GPR39: variants seen among roughly 807,000 people sequenced by gnomAD.
GPR39 encodes the protein zinc sensing receptor.
Under a neutral mutation model 18.4 loss-of-function variants are expected in GPR39, and 23 were observed. The ratio of observed to expected loss-of-function variants is 1.25; its 90% CI spans 0.90 to 1.77. The LOEUF is 1.77. Among genes scored for constraint, GPR39 ranks in the 40% most tolerant of loss-of-function variants. The pLI, the probability that GPR39 is intolerant of heterozygous loss-of-function variation, is 0.00. For missense variants in GPR39, 647 were observed against 602.4 expected (o/e 1.07, Z -0.78); for synonymous variants, 280 against 257.9 (o/e 1.09, Z -0.82).
chr2:132,578,691 T>C (rs1680571304), intron 1 of GPR39, among the ~76,000 whole-genome samples: 1 of 152,156 alleles, frequency 6.6e-6, no homozygotes, highest in African/African-American at 2.4e-5. Context: ...CCAGATGAAC[T>C]AGATTGTTTG....
chr2:132,487,817 A>G (rs1401224156), intron 1 of GPR39, among the ~76,000 whole-genome samples: 1 of 152,180 alleles, frequency 6.6e-6, no homozygotes, highest in Non-Finnish European at 1.5e-5. Context: ...ACAGATATCT[A>G]ATGAGAATTT....
At chr2:132,430,915 C>T (rs1426263845) in intron 1 of GPR39, among the ~76,000 whole-genome samples, 1 of 152,162 alleles carries the variant, frequency 6.6e-6, no homozygotes, top group African/African-American at 2.4e-5. Context: ...TCTATTCTCT[C>T]TTATATCCCT....
At chr2:132,571,882 A>G (rs940178009) in intron 1 of GPR39, among the ~76,000 whole-genome samples, 4 of 152,210 alleles carry the variant, frequency 2.6e-5, no homozygotes, top group Admixed American at 6.5e-5. Flanking sequence ...GAGAAGATCT[A>G]TGCATCTTGG....
At chr2:132,474,985 G>A (rs1399877117) in intron 1 of GPR39, among the ~76,000 whole-genome samples, 2 of 152,122 alleles carry the variant, frequency 1.3e-5, no homozygotes, top group East Asian at 1.9e-4. Context: ...CACTCTAACA[G>A]TTCCATCCCT....
chr2:132,644,790 A>G (rs1312368389), intron 1 of GPR39: 9 of 322,642 alleles, frequency 2.8e-5, no homozygotes, highest in Non-Finnish European at 4.0e-5. Flanking sequence ...TGCTTTCTGG[A>G]TACGCAAACA....
chr2:132,482,270 C>A (rs1681249529), intron 1 of GPR39, among the ~76,000 whole-genome samples: 1 of 152,140 alleles, frequency 6.6e-6, no homozygotes, highest in South Asian at 2.1e-4. Context: ...GCCTGATGGA[C>A]CTGAGGATTT....
chr2:132,519,284 T>TTTA (rs71001197), intron 1 of GPR39, among the ~76,000 whole-genome samples: 76,939 of 151,102 alleles, frequency 0.51, 19,963 homozygotes, highest in Non-Finnish European at 0.56. Context: ...AAGAAGGTTG[T>TTTA]TTATTATTAT....
At chr2:132,475,781 T>G (rs374173357) in intron 1 of GPR39, among the ~76,000 whole-genome samples, 1 of 152,336 alleles carries the variant, frequency 6.6e-6, no homozygotes, top group East Asian at 1.9e-4. Flanking sequence ...ATCTTTGCAC[T>G]TTTAGAATAT....
intron 1 of GPR39, among the ~76,000 whole-genome samples, chr2:132,530,331 G>A (rs1011442051): frequency 2.0e-5 from 3 of 152,152 alleles, no homozygotes; most frequent in Admixed American, 2.0e-4. Context: ...AATGAACAAA[G>A]CCTCCAAGAA....
chr2:132,634,656 G>C (rs896086049), intron 1 of GPR39, among the ~76,000 whole-genome samples: 2 of 152,148 alleles, frequency 1.3e-5, no homozygotes, highest in Admixed American at 6.5e-5. Flanking sequence ...TTTATTATTT[G>C]TCTACAAATT....
intron 1 of GPR39, among the ~76,000 whole-genome samples, chr2:132,466,338 G>T (rs1002774524): frequency 2.6e-5 from 4 of 152,164 alleles, no homozygotes; most frequent in African/African-American, 7.2e-5. Flanking sequence ...AAGAGAGAAA[G>T]ATAAAACCTA....
Position 132,417,402 on chromosome 2 carries a change from C to T in GPR39, c.360C>T (p.Tyr120=), listed in dbSNP as rs767238532. 2 of 1,614,202 alleles carry T rather than the reference C, an allele frequency of 1.2e-6. No individual in the cohort carries two copies. Among genetic ancestry groups the T allele is most frequent in the Non-Finnish European group, 1.7e-6 (2 of 1,180,022 alleles). ...CTTTCCTCTTCGAGGCCTGCAGCTA[C>T]GCTACGCTGCTGCACGTGCTGACAC... ...LHTFLFEACS[Y]ATLLHVLTLS... The change falls in exon 1 of 2, where the codon TAC becomes TAT. Residue 120 remains tyrosine, a synonymous_variant. Transcript: ENST00000329321.
intron 1 of GPR39, among the ~76,000 whole-genome samples, chr2:132,513,866 ACCATGC>A (rs1319195381): frequency 6.6e-6 from 1 of 152,154 alleles, no homozygotes; most frequent in Non-Finnish European, 1.5e-5. Context: ...GGCGTGCGCC[ACCATGC>A]CCAGCTAATA....
intron 1 of GPR39, among the ~76,000 whole-genome samples, chr2:132,482,517 A>G (rs1573623794): frequency 6.6e-6 from 1 of 152,130 alleles, no homozygotes; most frequent in South Asian, 2.1e-4. Flanking sequence ...CTTCTACCAC[A>G]TTACGTGGAT....
chr2:132,421,900 G>A (rs1176092614), intron 1 of GPR39, among the ~76,000 whole-genome samples: 3 of 152,088 alleles, frequency 2.0e-5, no homozygotes, highest in African/African-American at 7.2e-5. Context: ...GAGGACAATC[G>A]TTACCTGAAA....
At chr2:132,439,661 C>T (rs912617047) in intron 1 of GPR39, among the ~76,000 whole-genome samples, 1 of 152,166 alleles carries the variant, frequency 6.6e-6, no homozygotes, top group African/African-American at 2.4e-5. Context: ...AGGCTTATTG[C>T]TGAAGTGGTT....
chr2:132,534,013 G>A lies in GPR39; in HGVS notation c.857-111088G>A, dbSNP rs1408085203. ...AGATGGGATCTAATTAAACTAAAGA[G>A]CTTCTGCACAGCAAAAGAAACTATC... On this transcript the variant is annotated intron_variant, in intron 1 of 1. Coordinates refer to ENST00000329321, the MANE Select transcript of GPR39 (RefSeq NM_001508.3). 6.6e-5 allele frequency among the ~76,000 whole-genome samples: 10 copies of A among 152,298 alleles called. 1 individual carries two copies. Among genetic ancestry groups the A allele is most frequent in the African/African-American group, 2.4e-4 (10 of 41,570 alleles).
intron 1 of GPR39, among the ~76,000 whole-genome samples, chr2:132,426,175 C>T (rs1680114791): frequency 6.6e-6 from 1 of 152,194 alleles, no homozygotes; most frequent in African/African-American, 2.4e-5. Flanking sequence ...GCCTTTGGCC[C>T]AGCCATTCAC....
chr2:132,557,850 C>T (rs1336541394), intron 1 of GPR39, among the ~76,000 whole-genome samples: 1 of 152,172 alleles, frequency 6.6e-6, no homozygotes, highest in Non-Finnish European at 1.5e-5. Flanking sequence ...CTCGTGACCT[C>T]CCCCATGCCG....
Sources: allele counts gnomAD v4.1 joint callset (sites outside exome capture counted in the v4.1 genomes callset), GRCh38; gene constraint gnomAD v4.1.1; transcripts MANE v1.5; gene names NCBI Gene and HGNC (gene_info 2026-07-23, HGNC 2026-07-21).